The following ZDHHC15 variants were observed in gnomAD, a reference collection of about 807,000 sequenced individuals.
ZDHHC15 encodes palmitoyltransferase ZDHHC15.
Under a neutral mutation model 31.7 loss-of-function variants are expected in ZDHHC15, and 19 were observed. The observed-to-expected ratio is 0.60, with a 90% confidence interval of 0.42 to 0.88. ZDHHC15 has a LOEUF of 0.88. Among genes scored for constraint, ZDHHC15 ranks in the 40% least tolerant of loss-of-function variants. ZDHHC15 has a pLI of 0.00. For missense variants in ZDHHC15, 209 were observed against 251.2 expected (o/e 0.83, Z 1.14); for synonymous variants, 103 against 90.0 (o/e 1.14, Z -0.82).
In ZDHHC15 at chrX:75,454,766, AT is replaced by A. The variant is rs1260255517; in HGVS notation, c.259-3845del. On this transcript the variant is annotated intron_variant, in intron 3 of 11. Transcript: ENST00000373367. The stretch of plus-strand genomic sequence containing the variant: ...GTACCCTAGAACTTAAAGTATAATA[AT>A]AAAAAATAAAAATGAAAAAATACCT... Among the ~76,000 whole-genome samples, 4 of 111,445 alleles carry A rather than the reference AT, an allele frequency of 3.6e-5. No individual in the cohort carries two copies. In the East Asian group the frequency reaches 8.5e-4, roughly 24 times the overall value.
intron 10 of ZDHHC15, among the ~76,000 whole-genome samples, chrX:75,402,559 T>C (rs1219287252): frequency 2.7e-5 from 3 of 110,995 alleles, no homozygotes; most frequent in African/African-American, 9.8e-5. Flanking sequence ...ACAAAGAGAA[T>C]GTTACTACTG....
intron 2 of ZDHHC15, among the ~76,000 whole-genome samples, chrX:75,496,104 A>T (rs1006225056): frequency 3.6e-5 from 4 of 111,047 alleles, no homozygotes; most frequent in Non-Finnish European, 7.6e-5. Context: ...CCTGTCTTCA[A>T]GAGTCTCACC....
chrX:75,497,319 G>A (rs1031460564), intron 2 of ZDHHC15, among the ~76,000 whole-genome samples: 2 of 111,380 alleles, frequency 1.8e-5, no homozygotes, highest in Non-Finnish European at 3.8e-5. Context: ...CCAATAACAA[G>A]TAGCAAGATA....
chrX:75,490,258 C>T (rs915469697), intron 2 of ZDHHC15, among the ~76,000 whole-genome samples: 3 of 110,977 alleles, frequency 2.7e-5, no homozygotes, highest in Admixed American at 1.9e-4. Context: ...AGATACTCCT[C>T]GAGAAGAGCA....
chrX:75,417,311 T>C (rs2083559919), intron 9 of ZDHHC15, 121 bp from the exon 10 acceptor site: 1 of 426,441 alleles, frequency 2.3e-6, no homozygotes, highest in East Asian at 3.9e-5. Flanking sequence ...TCTAAAGCCA[T>C]GGTGGAATGG....
intron 3 of ZDHHC15, among the ~76,000 whole-genome samples, chrX:75,460,666 T>C (rs1284743519): frequency 9.1e-6 from 1 of 109,494 alleles, no homozygotes; most frequent in Admixed American, 9.8e-5. Context: ...AAGTAGGGTC[T>C]GGAGTAGACC....
intron 11 of ZDHHC15, among the ~76,000 whole-genome samples, chrX:75,378,289 C>T (rs769434038): frequency 3.6e-5 from 4 of 111,906 alleles, no homozygotes; most frequent in African/African-American, 6.5e-5. Flanking sequence ...TAACATTCAT[C>T]TTACAGTTGA....
intron 10 of ZDHHC15, among the ~76,000 whole-genome samples, chrX:75,392,632 G>A (rs1244805456): frequency 8.9e-6 from 1 of 111,938 alleles, no homozygotes; most frequent in Admixed American, 9.5e-5. Context: ...AACTGCAACC[G>A]CATCAATCCC....
intron 2 of ZDHHC15, among the ~76,000 whole-genome samples, chrX:75,491,791 G>C (rs1171481272): frequency 1.8e-5 from 2 of 110,889 alleles, no homozygotes; most frequent in Non-Finnish European, 3.8e-5. Context: ...CCTGAAGGAA[G>C]CGCTAAACAT....
At chrX:75,505,344 C>T (rs1348490160) in intron 2 of ZDHHC15, among the ~76,000 whole-genome samples, 1 of 111,420 alleles carries the variant, frequency 9.0e-6, no homozygotes, top group Admixed American at 9.6e-5. Flanking sequence ...GCCACAATCT[C>T]TTTAGAAAGG....
At chrX:75,428,149 C>T (rs1334911919) in intron 7 of ZDHHC15, among the ~76,000 whole-genome samples, 1 of 110,841 alleles carries the variant, frequency 9.0e-6, no homozygotes, top group Non-Finnish European at 1.9e-5. Flanking sequence ...GTAGCTCTGT[C>T]CACATCTGTC....
At chrX:75,435,135 C>T (rs892138581) in intron 4 of ZDHHC15, among the ~76,000 whole-genome samples, 2 of 111,703 alleles carry the variant, frequency 1.8e-5, no homozygotes, top group Non-Finnish European at 3.8e-5. Context: ...TGATTTGATT[C>T]TCAGCTTGGT....
intron 3 of ZDHHC15, among the ~76,000 whole-genome samples, chrX:75,453,660 T>A (rs754457004): frequency 9.0e-5 from 10 of 110,856 alleles, no homozygotes; most frequent in Non-Finnish European, 1.7e-4. Context: ...ACAAACCGAA[T>A]CCAGCAGCAC....
chrX:75,454,221 A>G (rs2084176433), intron 3 of ZDHHC15, among the ~76,000 whole-genome samples: 1 of 111,933 alleles, frequency 8.9e-6, no homozygotes, highest in Admixed American at 9.5e-5. Context: ...GTGCAAAATC[A>G]CAAGCATTCT....
intron 11 of ZDHHC15, among the ~76,000 whole-genome samples, chrX:75,377,693 G>A (rs1204324645): frequency 9.1e-6 from 1 of 110,030 alleles, no homozygotes; most frequent in East Asian, 2.9e-4. Flanking sequence ...AGTATTGCAC[G>A]AAATACTAGG....
chrX:75,395,025 C>T (rs1014245894), intron 10 of ZDHHC15, among the ~76,000 whole-genome samples: 7 of 111,640 alleles, frequency 6.3e-5, no homozygotes, highest in African/African-American at 1.6e-4. Context: ...TATATGACCA[C>T]AGTGGAATAA....
At chrX:75,500,480 T>C (rs996855251) in intron 2 of ZDHHC15, among the ~76,000 whole-genome samples, 14 of 109,535 alleles carry the variant, frequency 1.3e-4, no homozygotes, top group Non-Finnish European at 2.3e-4. Flanking sequence ...TACATACCTA[T>C]ACTTATATGT....
At chrX:75,375,986 C>T (rs965360955) in intron 11 of ZDHHC15, among the ~76,000 whole-genome samples, 1 of 111,841 alleles carries the variant, frequency 8.9e-6, no homozygotes, top group East Asian at 2.8e-4. Flanking sequence ...CTTGAAACTG[C>T]TTTCCACGGT....
At chrX:75,408,433 G>T (rs896321068) in intron 10 of ZDHHC15, among the ~76,000 whole-genome samples, 1 of 110,926 alleles carries the variant, frequency 9.0e-6, no homozygotes, top group African/African-American at 3.3e-5. Flanking sequence ...AACAAACTGG[G>T]TATAAAAGGA....
Sources: gnomAD v4.1 joint callset for allele counts (sites outside exome capture counted in the v4.1 genomes callset) on GRCh38, gnomAD v4.1.1 for gene constraint, MANE v1.5 for transcripts, NCBI Gene and HGNC (gene_info 2026-07-23, HGNC 2026-07-21) for gene names.